Variants in COL14A1 observed in about 807,000 individuals in gnomAD.
COL14A1 encodes collagen alpha-1(XIV) chain.
In COL14A1, 136 loss-of-function variants were observed where a neutral mutation model predicts 230.3. The ratio of observed to expected loss-of-function variants is 0.59; its 90% CI spans 0.51 to 0.68. The LOEUF is 0.68. Ranked by LOEUF, COL14A1 falls within the 30% of genes least tolerant of loss-of-function variation. The probability of loss-of-function intolerance (pLI) is 0.00; values close to 1 mark genes in which losing one functional copy is unlikely to be tolerated. For synonymous variants in COL14A1, 792 were observed against 784.1 expected (o/e 1.01, Z -0.17); for missense variants, 1,976 against 2,215.8 (o/e 0.89, Z 2.17).
chr8:120,215,317 G>A (rs1281938628), intron 13 of COL14A1, among the ~76,000 whole-genome samples: 3 of 152,064 alleles, frequency 2.0e-5, no homozygotes, highest in Non-Finnish European at 4.4e-5. Flanking sequence ...TTTGCAGTAA[G>A]CTGAGATCCT....
At chr8:120,276,122 A>G (rs1325059419) in intron 26 of COL14A1, among the ~76,000 whole-genome samples, 3 of 151,002 alleles carry the variant, frequency 2.0e-5, no homozygotes, top group African/African-American at 7.3e-5. Flanking sequence ...TTATATATAT[A>G]TGTAAAAAAA....
intron 31 of COL14A1, 109 bp downstream of exon 31, chr8:120,281,168 C>T (rs145915221): frequency 2.0e-4 from 193 of 987,628 alleles, no homozygotes; most frequent in Non-Finnish European, 2.6e-4. Flanking sequence ...GGATTTTCCA[C>T]GACATTTAGA....
chr8:120,172,119 T>A (rs1360013796), intron 5 of COL14A1, among the ~76,000 whole-genome samples: 2 of 151,460 alleles, frequency 1.3e-5, no homozygotes, highest in Non-Finnish European at 2.9e-5. Flanking sequence ...ATAATTCTAT[T>A]ATTAAAGTAT....
chr8:120,319,472 G>T (rs917582549), intron 40 of COL14A1, among the ~76,000 whole-genome samples: 1 of 152,112 alleles, frequency 6.6e-6, no homozygotes, highest in Non-Finnish European at 1.5e-5. Context: ...ACAACACCTG[G>T]CCAAATCTTT....
chr8:120,261,687 T>C (rs1819333510), intron 23 of COL14A1, among the ~76,000 whole-genome samples: 1 of 152,134 alleles, frequency 6.6e-6, no homozygotes, highest in African/African-American at 2.4e-5. Flanking sequence ...GCCATATGAA[T>C]TGGCTGTGTA....
Position 120,212,572 on chromosome 8 carries a change from C to A in COL14A1, c.1592C>A (p.Thr531Lys). 2 of 1,613,288 alleles carry A rather than the reference C, an allele frequency of 1.2e-6. No homozygotes were observed. The highest frequency in any genetic ancestry group is 2.2e-5 in the South Asian group (2 of 91,068). The change falls in exon 13 of 48, where the codon ACA (threonine) becomes AAA (lysine). Residue 531 changes from threonine (T) to lysine (K), a missense_variant. By Grantham distance (78) the Thr-to-Lys change is moderately conservative. This residue lies in a region of COL14A1 where 1,791 missense variants were observed against 2,019.5 expected (regional missense o/e 0.89). Transcript: ENST00000297848. ...EASDPVTGQE[T>K]TLALSPPRNL... is the part of the protein sequence containing the mutation. ...AGTGATCCTGTTACGGGACAAGAAA[C>A]AACATGTGAGCAGCACAGCCATTCA...
chr8:120,241,450 G>T (rs1818606511), intron 19 of COL14A1, among the ~76,000 whole-genome samples: 1 of 152,116 alleles, frequency 6.6e-6, no homozygotes. Flanking sequence ...AAAGCTTTGG[G>T]TGATATTAGA....
chr8:120,172,591 C>T (rs1816129823), intron 5 of COL14A1, among the ~76,000 whole-genome samples: 1 of 152,140 alleles, frequency 6.6e-6, no homozygotes, highest in Non-Finnish European at 1.5e-5. Flanking sequence ...CAGAAGGGCA[C>T]ATTTTGGTTG....
At chr8:120,287,794 C>T (rs1820250121) in intron 33 of COL14A1, among the ~76,000 whole-genome samples, 1 of 151,980 alleles carries the variant, frequency 6.6e-6, no homozygotes, top group Admixed American at 6.5e-5. Context: ...TATCTCAATG[C>T]AAATTCAATT....
At chr8:120,341,726 A>G (rs919122132) in intron 43 of COL14A1, among the ~76,000 whole-genome samples, 1 of 152,230 alleles carries the variant, frequency 6.6e-6, no homozygotes, top group Admixed American at 6.5e-5. Flanking sequence ...ACTCTATACA[A>G]GTGACAAGTG....
chr8:120,303,494 A>C (rs1011872470), intron 36 of COL14A1, among the ~76,000 whole-genome samples: 4 of 152,166 alleles, frequency 2.6e-5, no homozygotes, highest in African/African-American at 9.7e-5. Context: ...TATTGAGATA[A>C]TTACGTGGTT....
intron 26 of COL14A1, among the ~76,000 whole-genome samples, chr8:120,272,338 A>G (rs751460762): frequency 7.2e-5 from 11 of 151,794 alleles, no homozygotes; most frequent in Non-Finnish European, 1.2e-4. Flanking sequence ...TCAGAATATA[A>G]CCTCTTGAAA....
intron 22 of COL14A1, among the ~76,000 whole-genome samples, chr8:120,254,312 A>G (rs1298704016): frequency 6.6e-6 from 1 of 152,196 alleles, no homozygotes; most frequent in African/African-American, 2.4e-5. Context: ...CAATTTTTGC[A>G]TATCACAATG....
intron 5 of COL14A1, among the ~76,000 whole-genome samples, chr8:120,177,518 G>T (rs546543915): frequency 6.6e-6 from 1 of 151,548 alleles, no homozygotes; most frequent in Admixed American, 6.6e-5. Flanking sequence ...GAGTGGTGGC[G>T]CACATCAGTA....
At chr8:120,354,963 A>C (rs112931448) in intron 45 of COL14A1, among the ~76,000 whole-genome samples, 296 of 147,512 alleles carry the variant, frequency 2.0e-3, no homozygotes, top group African/African-American at 7.4e-3. Flanking sequence ...TCTCCCCATT[A>C]AACCCTGTAC....
At chr8:120,321,597 C>G (rs1467191911) in intron 40 of COL14A1, among the ~76,000 whole-genome samples, 1 of 151,064 alleles carries the variant, frequency 6.6e-6, no homozygotes, top group Non-Finnish European at 1.5e-5. Context: ...GAGCCGAGAT[C>G]GCACCACTGC....
At chr8:120,255,113 A>C in intron 22 of COL14A1, 127 bp from the exon 23 acceptor site, 2 of 731,442 alleles carry the variant, frequency 2.7e-6, no homozygotes, top group Non-Finnish European at 5.0e-6. Flanking sequence ...CTCATTGTAA[A>C]TTGATGGATT....
chr8:120,208,292 T>C lies in COL14A1; in HGVS notation c.1252T>C (p.Tyr418His), dbSNP rs959716834. Reference protein sequence around the residue: ...VLKNLMSLTEYQIAVFAIYAH... With the variant: ...VLKNLMSLTEHQIAVFAIYAH... The stretch of plus-strand genomic sequence containing the variant: ...GAAAAACTTGATGTCTTTAACTGAA[T>C]ATCAGATAGCAGTCTTTGCAATCTA... Residue 418 changes from tyrosine (Y) to histidine (H), a missense_variant, in exon 11 of 48, where the codon TAT becomes CAT. Coordinates refer to ENST00000297848, the MANE Select transcript of COL14A1 (RefSeq NM_021110.4). 4 of 1,613,622 alleles carry C rather than the reference T, an allele frequency of 2.5e-6. No homozygotes were observed. The highest frequency in any genetic ancestry group is 1.1e-5 in the South Asian group (1 of 91,044).
chr8:120,363,699 G>A (rs978760241), intron 45 of COL14A1, among the ~76,000 whole-genome samples: 1 of 152,204 alleles, frequency 6.6e-6, no homozygotes, highest in African/African-American at 2.4e-5. Context: ...TGATGCTAGA[G>A]AGATAAGTAA....
Sources: allele counts gnomAD v4.1 joint callset (sites outside exome capture counted in the v4.1 genomes callset), GRCh38; gene constraint gnomAD v4.1.1; regional missense constraint gnomAD v4.1.1; transcripts MANE v1.5; gene names NCBI Gene and HGNC (gene_info 2026-07-23, HGNC 2026-07-21).